Variants in CSMD1 observed in about 807,000 individuals in gnomAD.
CSMD1 encodes the protein CUB and Sushi multiple domains 1, also known as CUB and sushi domain-containing protein 1.
A neutral mutation model predicts 417.5 loss-of-function variants in CSMD1; 213 were observed. That is an observed-to-expected ratio of 0.51 (90% CI 0.46 to 0.57). The LOEUF is 0.57. Ranked by LOEUF, CSMD1 falls within the 20% of genes least tolerant of loss-of-function variation. The pLI is 0.00. For synonymous variants in CSMD1, 2,862 were observed against 1,736.8 expected, an observed-to-expected ratio of 1.65 and a Z score of -16.11; for missense variants, 6,923 against 4,529.7, an observed-to-expected ratio of 1.53 and a Z score of -15.17.
chr8:4,027,733 A>C (rs1223538914), intron 4 of CSMD1, among the ~76,000 whole-genome samples: 1 of 152,208 alleles, frequency 6.6e-6, no homozygotes, highest in African/African-American at 2.4e-5. Flanking sequence ...AACAAACTTG[A>C]AGCCAGTCTG....
intron 1 of CSMD1, among the ~76,000 whole-genome samples, chr8:4,920,952 A>G (rs868068696): frequency 9.0e-5 from 1 of 11,052 alleles, no homozygotes; most frequent in Admixed American, 1.7e-3. Flanking sequence ...GAAAGAAAGA[A>G]AGAAAGAAAG....
At chr8:3,017,003 C>G (rs1182544299) in intron 52 of CSMD1, among the ~76,000 whole-genome samples, 1 of 152,234 alleles carries the variant, frequency 6.6e-6, no homozygotes, top group Non-Finnish European at 1.5e-5. Context: ...GTTATGTAAA[C>G]TGAATGTATC....
intron 6 of CSMD1, among the ~76,000 whole-genome samples, chr8:3,711,278 A>G (rs985653226): frequency 1.3e-5 from 2 of 152,140 alleles, no homozygotes; most frequent in African/African-American, 2.4e-5. Context: ...CATCAGAGCC[A>G]TGAATAGACC....
intron 3 of CSMD1, among the ~76,000 whole-genome samples, chr8:4,292,608 T>G (rs773334168): frequency 6.6e-6 from 1 of 152,162 alleles, no homozygotes; most frequent in Non-Finnish European, 1.5e-5. Context: ...GATTAATACA[T>G]GTAAACATGT....
At chr8:4,293,622 G>C (rs999369709) in intron 3 of CSMD1, among the ~76,000 whole-genome samples, 3 of 152,056 alleles carry the variant, frequency 2.0e-5, no homozygotes, top group African/African-American at 7.2e-5. Context: ...CTGCAATCGT[G>C]TATTTTGACT....
intron 5 of CSMD1, among the ~76,000 whole-genome samples, chr8:3,772,501 A>T (rs560804903): frequency 4.1e-5 from 1 of 24,314 alleles, no homozygotes; most frequent in Non-Finnish European, 8.8e-5. Context: ...ATATATACAT[A>T]TATACACATA....
chr8:3,385,090 T>A (rs1810916648), intron 18 of CSMD1, among the ~76,000 whole-genome samples: 1 of 97,904 alleles, frequency 1.0e-5, no homozygotes, highest in African/African-American at 4.5e-5. Context: ...AATTTATATA[T>A]AAAATATATA....
At chr8:3,878,440 T>G (rs1199277857) in intron 5 of CSMD1, among the ~76,000 whole-genome samples, 2 of 152,190 alleles carry the variant, frequency 1.3e-5, no homozygotes, top group Non-Finnish European at 2.9e-5. Context: ...ATACCAGTCT[T>G]GCCTTTCCAG....
chr8:4,012,848 G>C (rs138645766), intron 4 of CSMD1, among the ~76,000 whole-genome samples: 1 of 152,026 alleles, frequency 6.6e-6, no homozygotes, highest in African/African-American at 2.4e-5. Flanking sequence ...AAGACACACG[G>C]TGCCATCCAT....
intron 3 of CSMD1, among the ~76,000 whole-genome samples, chr8:4,111,161 G>C (rs1801834510): frequency 6.6e-6 from 1 of 152,146 alleles, no homozygotes. Flanking sequence ...ATTTCGGACA[G>C]AAAAGTTTCC....
chr8:3,492,918 T>C (rs1796191657), intron 11 of CSMD1, among the ~76,000 whole-genome samples: 1 of 152,130 alleles, frequency 6.6e-6, no homozygotes. Flanking sequence ...AAGACCTGTA[T>C]TTCCCAGACT....
chr8:3,303,998 A>C (rs1051951446), intron 25 of CSMD1, among the ~76,000 whole-genome samples: 2 of 152,118 alleles, frequency 1.3e-5, no homozygotes, highest in African/African-American at 4.8e-5. Flanking sequence ...AAAGAGGAAT[A>C]GCACTATATA....
At chr8:3,837,057 G>A (rs1802757325) in intron 5 of CSMD1, among the ~76,000 whole-genome samples, 1 of 151,420 alleles carries the variant, frequency 6.6e-6, no homozygotes, top group African/African-American at 2.4e-5. Context: ...ATGCCCATGG[G>A]TGATTTTCAA....
chr8:4,884,008 T>C (rs1208888852), intron 1 of CSMD1, among the ~76,000 whole-genome samples: 2 of 152,040 alleles, frequency 1.3e-5, no homozygotes, highest in Admixed American at 6.5e-5. Flanking sequence ...ATTGTCTGTA[T>C]TTTTGATAAT....
At chr8:4,308,514 A>C (rs916182774) in intron 3 of CSMD1, among the ~76,000 whole-genome samples, 1 of 152,228 alleles carries the variant, frequency 6.6e-6, no homozygotes, top group Non-Finnish European at 1.5e-5. Context: ...TCAGTACTTC[A>C]GAGACCCTGC....
chr8:3,427,617 T>C (rs1302072010), intron 12 of CSMD1, among the ~76,000 whole-genome samples: 1 of 152,174 alleles, frequency 6.6e-6, no homozygotes, highest in Admixed American at 6.5e-5. Flanking sequence ...ACTCTGCAAA[T>C]CTAGTGTTCA....
intron 7 of CSMD1, among the ~76,000 whole-genome samples, chr8:3,659,846 C>A (rs540389741): frequency 2.0e-5 from 3 of 152,262 alleles, no homozygotes; most frequent in Non-Finnish European, 4.4e-5. Flanking sequence ...ATAGACTATA[C>A]AATTTCAACT....
intron 10 of CSMD1, among the ~76,000 whole-genome samples, chr8:3,529,755 T>C (rs556395998): frequency 4.1e-4 from 62 of 152,326 alleles, no homozygotes; most frequent in Non-Finnish European, 6.6e-4. Context: ...AATTTAGCCA[T>C]GCAAAATGCA....
chr8:3,458,152 T>G (rs984939946), intron 12 of CSMD1, among the ~76,000 whole-genome samples: 5 of 152,156 alleles, frequency 3.3e-5, no homozygotes, highest in East Asian at 1.9e-4. Flanking sequence ...TCAGTTTACT[T>G]TGACATGTAA....
Sources: allele counts gnomAD v4.1 joint callset (sites outside exome capture counted in the v4.1 genomes callset), GRCh38; gene constraint gnomAD v4.1.1; transcripts MANE v1.5; gene names NCBI Gene and HGNC (gene_info 2026-07-23, HGNC 2026-07-21).